Variants in CDH4 observed in about 807,000 individuals in gnomAD.
CDH4 encodes the protein cadherin-4.
CDH4 carries 33 observed loss-of-function variants against 86.0 expected under a neutral mutation model. The observed-to-expected ratio is 0.38, with a 90% CI of 0.29 to 0.51. CDH4 has a LOEUF of 0.51. CDH4 is among the 20% of genes least tolerant of loss of function. The probability of loss-of-function intolerance (pLI) is 0.86; values close to 1 mark genes in which losing one functional copy is unlikely to be tolerated. For missense variants in CDH4, 1,114 were observed against 1,307.4 expected (o/e 0.85, Z 2.28); for synonymous variants, 555 against 549.4 (o/e 1.01, Z -0.14).
At chr20:61,421,612 CTT>C (rs2085178259) in intron 2 of CDH4, among the ~76,000 whole-genome samples, 1 of 152,088 alleles carries the variant, frequency 6.6e-6, no homozygotes, top group Non-Finnish European at 1.5e-5. Flanking sequence ...CAGCTCTACA[CTT>C]AAGATGTGCA....
chr20:61,787,115 C>T (rs990021172), intron 4 of CDH4, among the ~76,000 whole-genome samples: 16 of 136,766 alleles, frequency 1.2e-4, no homozygotes, highest in African/African-American at 3.8e-4. Context: ...TCCATCCATC[C>T]ATCCATCCGT....
At chr20:61,442,831 G>C (rs1460644534) in intron 2 of CDH4, among the ~76,000 whole-genome samples, 2 of 152,230 alleles carry the variant, frequency 1.3e-5, no homozygotes, top group Non-Finnish European at 2.9e-5. Flanking sequence ...TTTGAGCACT[G>C]ATCCTTTTTC....
intron 4 of CDH4, among the ~76,000 whole-genome samples, chr20:61,837,192 C>CA (rs896197933): frequency 3.4e-4 from 51 of 151,830 alleles, no homozygotes; most frequent in Admixed American, 5.3e-4. Context: ...GACCCTGTCT[C>CA]AAAAAAAACG....
rs117405637 is a variant in CDH4, at chr20:61,371,748, T to A, written c.169+116811T>A. On this transcript the variant is annotated intron_variant, in intron 2 of 15. Transcript: ENST00000614565. ...GACCTCATCACGCACAGAGCAGCCC[T>A]GGGCTGGGCCGCATGGAAGGCGAAG... 3.3e-4 allele frequency among the ~76,000 whole-genome samples: 51 copies of A among 152,344 alleles called. No individual in the cohort carries two copies. The East Asian group carries it at 9.5e-3, about 28-fold the overall frequency.
rs933153485 is a variant in CDH4 at position 61,252,940 on chromosome 20, C to G, written c.57+370C>G. Among the ~76,000 whole-genome samples the G allele has an allele frequency of 1.3e-5, 2 of 151,838 alleles. No homozygotes were observed. The highest frequency in any genetic ancestry group is 4.1e-4 in the South Asian group (2 of 4,838). ...GGCGGAGCCGGCGCGCCCTCCATCG[C>G]CCGGGAGCCGCGCGCCGCGGGAGTT... On this transcript the variant is annotated intron_variant, in intron 1 of 15. Coordinates refer to ENST00000614565, the MANE Select transcript of CDH4 (RefSeq NM_001794.5). The surrounding 1 kb of genome is among the most constrained non-coding windows in gnomAD (Gnocchi z 4.4).
chr20:61,692,471 A>C (rs963096917), intron 2 of CDH4, among the ~76,000 whole-genome samples: 1 of 152,266 alleles, frequency 6.6e-6, no homozygotes, highest in African/African-American at 2.4e-5. Context: ...GACTGACATA[A>C]GACTAATCTC....
intron 2 of CDH4, among the ~76,000 whole-genome samples, chr20:61,640,390 A>T (rs931388005): frequency 6.6e-6 from 1 of 152,202 alleles, no homozygotes. Context: ...ATACATGCGA[A>T]TCTGACTCAG....
In CDH4 at chr20:61,486,240, T is replaced by C. The variant is rs139836867; in HGVS notation, c.169+231303T>C. Among the ~76,000 whole-genome samples, 684 of 152,352 alleles carry C rather than the reference T, an allele frequency of 4.5e-3. 2 individuals carry two copies. Among genetic ancestry groups the C allele is most frequent in the African/African-American group, 0.013 (534 of 41,590 alleles). On this transcript the variant is annotated intron_variant, in intron 2 of 15. Coordinates refer to ENST00000614565, the MANE Select transcript of CDH4 (RefSeq NM_001794.5). ...TACAGCCCAGAAACCTGCACAGTTC[T>C]ACAAACAGATCTGTGTGCACAGCAG...
Position 61,698,370 on chromosome 20 carries a change from C to T in CDH4, c.170-45193C>T, listed in dbSNP as rs142313376. The stretch of plus-strand genomic sequence containing the variant: ...AATATGGCTCCATTCATGCAGAAAC[C>T]TCCCAGTGGGGCTGTGCCAGGCACT... On this transcript the variant is annotated intron_variant, in intron 2 of 15. Transcript: ENST00000614565. Among the ~76,000 whole-genome samples, 684 of 152,380 alleles carry T rather than the reference C, an allele frequency of 4.5e-3. 12 individuals are homozygous for T. Among genetic ancestry groups the T allele is most frequent in the South Asian group, 0.025 (120 of 4,832 alleles).
rs532995166 is a variant in CDH4, at chr20:61,677,035, A to T, written c.170-66528A>T. 3.9e-5 allele frequency among the ~76,000 whole-genome samples: 6 copies of T among 152,294 alleles called. 1 individual carries two copies. In the East Asian group the frequency reaches 7.7e-4, roughly 20 times the overall value. ...GCTGAGGACCAGACAGAGAGAGGAC[A>T]GGTGCAGTAGGTCCTTCGTAGGGCC... On this transcript the variant is annotated intron_variant, in intron 2 of 15. Coordinates refer to ENST00000614565, the MANE Select transcript of CDH4 (RefSeq NM_001794.5).
intron 2 of CDH4, among the ~76,000 whole-genome samples, chr20:61,372,067 C>G (rs1183860892): frequency 1.3e-5 from 2 of 152,210 alleles, no homozygotes; most frequent in Non-Finnish European, 2.9e-5. Context: ...CATACTTTTG[C>G]TCCACATTTG....
Position 61,723,035 on chromosome 20 carries a change from T to C in CDH4, c.170-20528T>C, listed in dbSNP as rs138868206. 2.0e-5 allele frequency among the ~76,000 whole-genome samples: 3 copies of C among 152,270 alleles called. No homozygotes were observed. The East Asian group carries it at 5.8e-4, about 29-fold the overall frequency. On this transcript the variant is annotated intron_variant, in intron 2 of 15. Coordinates refer to ENST00000614565, the MANE Select transcript of CDH4 (RefSeq NM_001794.5). ...GACCCCTGGCTGAGGAAGAGGACGC[T>C]GTAGAAGACATTAGAAAGTGGAATG... is the stretch of plus-strand genomic sequence containing the variant.
At chr20:61,560,403 G>A (rs2086208008) in intron 2 of CDH4, among the ~76,000 whole-genome samples, 1 of 152,226 alleles carries the variant, frequency 6.6e-6, no homozygotes. Flanking sequence ...ACCATTGTTT[G>A]AGGAGTTTTG....
intron 2 of CDH4, among the ~76,000 whole-genome samples, chr20:61,679,110 A>G (rs1325569041): frequency 6.6e-6 from 1 of 152,158 alleles, no homozygotes; most frequent in Non-Finnish European, 1.5e-5. Context: ...ACACACGGTG[A>G]CAAGGGTCAG....
chr20:61,916,375 A>T (rs1202168476), intron 9 of CDH4, among the ~76,000 whole-genome samples: 1 of 152,224 alleles, frequency 6.6e-6, no homozygotes, highest in East Asian at 1.9e-4. Flanking sequence ...GTTACCTCAA[A>T]CATAAAATGA....
At chr20:61,707,787 C>T (rs187772389) in intron 2 of CDH4, among the ~76,000 whole-genome samples, 21 of 152,288 alleles carry the variant, frequency 1.4e-4, no homozygotes, top group Admixed American at 5.2e-4. Context: ...ATCCCGTGCA[C>T]GTGCAGTTCA....
At chr20:61,897,541 C>T (rs560171128) in intron 8 of CDH4, among the ~76,000 whole-genome samples, 1 of 152,172 alleles carries the variant, frequency 6.6e-6, no homozygotes, top group African/African-American at 2.4e-5. Flanking sequence ...GACTGACTAG[C>T]CACCAGCACT....
At chr20:61,495,952 C>T (rs1013798769) in intron 2 of CDH4, among the ~76,000 whole-genome samples, 4 of 148,376 alleles carry the variant, frequency 2.7e-5, no homozygotes, top group Non-Finnish European at 4.5e-5. Context: ...CAGGGACACA[C>T]AGCAGGAGAG....
intron 2 of CDH4, among the ~76,000 whole-genome samples, chr20:61,564,601 G>T (rs1336966034): frequency 6.6e-6 from 1 of 152,168 alleles, no homozygotes; most frequent in African/African-American, 2.4e-5. Context: ...ACCAGGAGCA[G>T]ATGCCAGCAC....
Sources: gnomAD v4.1 joint callset for allele counts (sites outside exome capture counted in the v4.1 genomes callset) on GRCh38, gnomAD v4.1.1 for gene constraint, Gnocchi (gnomAD v3.1) non-coding constraint, MANE v1.5 for transcripts, NCBI Gene and HGNC (gene_info 2026-07-23, HGNC 2026-07-21) for gene names.